REDIC1: variants seen among roughly 807,000 people sequenced by gnomAD.
REDIC1 encodes the protein regulator of DNA class I crossover intermediates 1, also known as HEI10 Interacting Protein 1.
At chr12:39,744,958 T>TAA in the REDIC1 span, among the ~76,000 whole-genome samples, 1 of 152,116 alleles carries the variant, frequency 6.6e-6, no homozygotes, top group Non-Finnish European at 1.5e-5. Context: ...ACTTTCAATA[T>TAA]AACGATACAT....
the REDIC1 span, among the ~76,000 whole-genome samples, chr12:39,737,771 G>T: frequency 4.6e-5 from 7 of 152,250 alleles, no homozygotes; most frequent in Admixed American, 4.6e-4. Context: ...AATTTCTAGT[G>T]GTTGAACTAG....
chr12:39,893,083 T>C, the REDIC1 span, among the ~76,000 whole-genome samples: 2 of 152,184 alleles, frequency 1.3e-5, no homozygotes, highest in Non-Finnish European at 2.9e-5. Context: ...TATTTGCATA[T>C]TTCCTATTGA....
chr12:39,639,236 C>T, the REDIC1 span, among the ~76,000 whole-genome samples: 11 of 151,858 alleles, frequency 7.2e-5, no homozygotes, highest in African/African-American at 2.4e-4. Context: ...GGCAGCAGTA[C>T]ACTTATGATG....
the REDIC1 span, among the ~76,000 whole-genome samples, chr12:39,852,231 G>C: frequency 1.3e-5 from 2 of 152,138 alleles, no homozygotes; most frequent in African/African-American, 4.8e-5. Context: ...AGTCCATAAG[G>C]GAGAAATAAA....
the REDIC1 span, among the ~76,000 whole-genome samples, chr12:39,633,505 A>C: frequency 6.6e-6 from 1 of 152,202 alleles, no homozygotes; most frequent in Non-Finnish European, 1.5e-5. Flanking sequence ...CAGAAGGACT[A>C]TGTGCTAAAA....
chr12:39,647,820 T>C, the REDIC1 span: 4 of 1,600,152 alleles, frequency 2.5e-6, no homozygotes, highest in African/African-American at 4.1e-5. Flanking sequence ...TATAGTATGC[T>C]TCACCCTCAG....
chr12:39,713,597 C>G, the REDIC1 span, among the ~76,000 whole-genome samples: 5 of 145,700 alleles, frequency 3.4e-5, no homozygotes, highest in Non-Finnish European at 3.0e-5. Context: ...TGTATAGATA[C>G]GTATATATAC....
the REDIC1 span, among the ~76,000 whole-genome samples, chr12:39,667,371 G>A: frequency 6.6e-6 from 1 of 152,158 alleles, no homozygotes; most frequent in African/African-American, 2.4e-5. Flanking sequence ...ATGTAGTTTA[G>A]CGGTTTTGAG....
the REDIC1 span, chr12:39,721,183 C>A: frequency 1.4e-5 from 22 of 1,613,422 alleles, no homozygotes; most frequent in Admixed American, 1.7e-5. Context: ...TCTTTGCAAC[C>A]TTGAAAGGTG....
the REDIC1 span, among the ~76,000 whole-genome samples, chr12:39,796,601 A>C: frequency 2.6e-5 from 4 of 152,114 alleles, no homozygotes; most frequent in African/African-American, 9.7e-5. Flanking sequence ...AGAAGCTAGA[A>C]AGTATAATAC....
chr12:39,761,974 T>A, the REDIC1 span, among the ~76,000 whole-genome samples: 1 of 152,092 alleles, frequency 6.6e-6, no homozygotes, highest in Non-Finnish European at 1.5e-5. Context: ...AAACATTTGT[T>A]GGGTTAGGAA....
chr12:39,750,173 T>C, the REDIC1 span, among the ~76,000 whole-genome samples: 4 of 152,302 alleles, frequency 2.6e-5, no homozygotes, highest in East Asian at 3.9e-4. Context: ...AAAAACCCAT[T>C]GTCTCAGCCC....
At chr12:39,661,577 C>G in the REDIC1 span, among the ~76,000 whole-genome samples, 1 of 151,890 alleles carries the variant, frequency 6.6e-6, no homozygotes, top group East Asian at 1.9e-4. Context: ...TAATAATTTG[C>G]AAATATTTTC....
At chr12:39,803,656 G>A in the REDIC1 span, among the ~76,000 whole-genome samples, 10 of 152,122 alleles carry the variant, frequency 6.6e-5, no homozygotes, top group African/African-American at 1.4e-4. Flanking sequence ...AAGAAAAGCA[G>A]TGAACTGGAT....
the REDIC1 span, among the ~76,000 whole-genome samples, chr12:39,731,888 T>A: frequency 6.7e-6 from 1 of 148,268 alleles, no homozygotes; most frequent in Non-Finnish European, 1.5e-5. Flanking sequence ...ATGTAGAAAA[T>A]GTAACACAAA....
the REDIC1 span, among the ~76,000 whole-genome samples, chr12:39,629,143 G>T: frequency 3.3e-5 from 5 of 152,154 alleles, no homozygotes; most frequent in African/African-American, 7.2e-5. Context: ...ATCGAACACT[G>T]GTTCTTAAAA....
At chr12:39,793,283 C>T in the REDIC1 span, among the ~76,000 whole-genome samples, 139 of 152,100 alleles carry the variant, frequency 9.1e-4, no homozygotes, top group Non-Finnish European at 1.6e-3. Context: ...TGACAAAAGA[C>T]GTGCAAAATT....
At chr12:39,779,639 T>C in the REDIC1 span, among the ~76,000 whole-genome samples, 4 of 152,216 alleles carry the variant, frequency 2.6e-5, no homozygotes, top group Admixed American at 1.3e-4. Flanking sequence ...CTTCACTACA[T>C]TGTAAGCCTC....
chr12:39,676,144 A>G, the REDIC1 span, among the ~76,000 whole-genome samples: 1 of 152,178 alleles, frequency 6.6e-6, no homozygotes, highest in Non-Finnish European at 1.5e-5. Flanking sequence ...GTTGATTAAT[A>G]TACTACTCAA....
Sources: allele counts gnomAD v4.1 joint callset (sites outside exome capture counted in the v4.1 genomes callset), GRCh38; gene constraint gnomAD v4.1.1; transcripts MANE v1.5; gene names NCBI Gene and HGNC (gene_info 2026-07-23, HGNC 2026-07-21).